PDE11A: variants seen among roughly 807,000 people sequenced by gnomAD.
PDE11A encodes phosphodiesterase 11A.
PDE11A carries 100 observed loss-of-function variants against 100.5 expected under a neutral mutation model. The observed-to-expected ratio is 1.00, with a 90% CI of 0.85 to 1.18. The LOEUF (loss-of-function observed/expected upper bound fraction) is 1.18, where lower values mean the gene tolerates loss of function less well. Among genes scored for constraint, PDE11A ranks in the 50% most tolerant of loss-of-function variants. PDE11A has a pLI of 0.00. For synonymous variants in PDE11A, 381 were observed against 420.8 expected, an observed-to-expected ratio of 0.91 and a Z score of 1.16; for missense variants, 1,141 against 1,152.6, an observed-to-expected ratio of 0.99 and a Z score of 0.15.
chr2:177,749,758 A>G (rs1193648670), intron 10 of PDE11A, among the ~76,000 whole-genome samples: 2 of 152,198 alleles, frequency 1.3e-5, no homozygotes, highest in Non-Finnish European at 2.9e-5. Context: ...CCTAACTTGA[A>G]TAATTTCTAA....
At chr2:177,921,524 G>T (rs970405451) in intron 2 of PDE11A, among the ~76,000 whole-genome samples, 16 of 150,680 alleles carry the variant, frequency 1.1e-4, no homozygotes, top group Non-Finnish European at 1.9e-4. Flanking sequence ...CTGCATTTTT[G>T]AGTATGCTCC....
chr2:178,007,872 A>AT (rs992931995), intron 2 of PDE11A, among the ~76,000 whole-genome samples: 4 of 151,610 alleles, frequency 2.6e-5, no homozygotes, highest in African/African-American at 9.7e-5. Flanking sequence ...AACTGGCTAA[A>AT]TTTTTTTTGT....
intron 1 of PDE11A, among the ~76,000 whole-genome samples, chr2:178,071,142 G>A (rs182683784): frequency 9.8e-5 from 15 of 152,306 alleles, no homozygotes; most frequent in Non-Finnish European, 2.1e-4. Context: ...CTTAACACCG[G>A]AATTCTGGAG....
chr2:177,810,781 A>G (rs984785079), intron 9 of PDE11A, among the ~76,000 whole-genome samples: 2 of 152,180 alleles, frequency 1.3e-5, no homozygotes, highest in Non-Finnish European at 2.9e-5. Context: ...AATCTAAAAT[A>G]TGTTTTAGGA....
intron 5 of PDE11A, among the ~76,000 whole-genome samples, chr2:177,859,552 T>C (rs2083908515): frequency 6.6e-6 from 1 of 151,926 alleles, no homozygotes; most frequent in Admixed American, 6.6e-5. Flanking sequence ...TCACTTTCTA[T>C]AATAGAGCAA....
chr2:178,013,331 T>A (rs1189056338), intron 2 of PDE11A, among the ~76,000 whole-genome samples: 1 of 152,228 alleles, frequency 6.6e-6, no homozygotes, highest in African/African-American at 2.4e-5. Context: ...TGAGGTCCTA[T>A]CATGCTCTAT....
At chr2:177,987,220 T>C (rs1162545364) in intron 2 of PDE11A, among the ~76,000 whole-genome samples, 2 of 152,124 alleles carry the variant, frequency 1.3e-5, no homozygotes, top group African/African-American at 4.8e-5. Context: ...GGCAGAGGAC[T>C]CTCTAACCCT....
At chr2:177,741,766 G>C (rs1399590091) in intron 10 of PDE11A, among the ~76,000 whole-genome samples, 6 of 152,210 alleles carry the variant, frequency 3.9e-5, no homozygotes, top group Admixed American at 6.5e-5. Context: ...GATAAGAACT[G>C]GGTGTGATGG....
At chr2:177,983,461 A>G (rs1009103201) in intron 2 of PDE11A, among the ~76,000 whole-genome samples, 2 of 152,232 alleles carry the variant, frequency 1.3e-5, no homozygotes, top group Non-Finnish European at 2.9e-5. Flanking sequence ...CAGTCCAAGT[A>G]GCTTTGAGAA....
intron 4 of PDE11A, among the ~76,000 whole-genome samples, chr2:177,887,216 T>A (rs997819766): frequency 6.6e-6 from 1 of 152,068 alleles, no homozygotes; most frequent in African/African-American, 2.4e-5. Flanking sequence ...CACTCTCCCA[T>A]CCAAATCAGC....
At chr2:177,994,105 A>G (rs1429767438) in intron 2 of PDE11A, among the ~76,000 whole-genome samples, 2 of 151,818 alleles carry the variant, frequency 1.3e-5, no homozygotes, top group African/African-American at 4.8e-5. Context: ...TAATTTTTGT[A>G]TTTTTAGCAG....
intron 15 of PDE11A, chr2:177,687,640 CT>C (rs1298420987): frequency 6.6e-6 from 1 of 152,138 alleles, no homozygotes; most frequent in African/African-American, 2.4e-5. Flanking sequence ...TATGAACCAC[CT>C]TGTACATGTT....
upstream of PDE11A, among the ~76,000 whole-genome samples, chr2:178,074,575 A>G (rs546660799): frequency 1.3e-5 from 2 of 152,228 alleles, no homozygotes; most frequent in Admixed American, 6.5e-5. Context: ...TAATAAAGAC[A>G]CTTCCTTAAT....
At position 177,727,695 on chromosome 2, in the gene PDE11A, G is replaced by T; in HGVS notation, c.2006C>A (p.Ala669Asp). 1.2e-6 allele frequency: 2 copies of T among 1,609,968 alleles called. No homozygotes were observed. The highest frequency in any genetic ancestry group is 1.1e-5 in the South Asian group (1 of 91,008). The change falls in exon 12 of 20, where the codon GCC becomes GAC. Residue 669 changes from alanine (A) to aspartate (D), a missense_variant. Transcript: ENST00000286063. Reference sequence around the variant, plus strand: ...GAACATCAGCTGACACACGTTGAAGGCATGTCTCCAGTTGTGGTATAGAAC... The same window carrying T: ...GAACATCAGCTGACACACGTTGAAGTCATGTCTCCAGTTGTGGTATAGAAC... ...RMVLYHNWRH[A>D]FNVCQLMFAM...
intron 2 of PDE11A, among the ~76,000 whole-genome samples, chr2:178,083,892 A>T (rs903552372): frequency 1.1e-4 from 16 of 152,198 alleles, no homozygotes; most frequent in African/African-American, 3.9e-4. Context: ...ATGCTTGTAA[A>T]AATTTAAACG....
chr2:177,980,110 C>T (rs1226140740), intron 2 of PDE11A, among the ~76,000 whole-genome samples: 1 of 149,836 alleles, frequency 6.7e-6, no homozygotes, highest in Non-Finnish European at 1.5e-5. Flanking sequence ...AAAAAAGTTT[C>T]AAACCTACTG....
chr2:177,845,025 T>C (rs1170369549), intron 5 of PDE11A, among the ~76,000 whole-genome samples: 2 of 151,912 alleles, frequency 1.3e-5, no homozygotes, highest in African/African-American at 2.4e-5. Flanking sequence ...GCCATTGTCA[T>C]CCTGGCCCGT....
chr2:178,057,950 T>G (rs917253702), intron 1 of PDE11A, among the ~76,000 whole-genome samples: 3 of 152,046 alleles, frequency 2.0e-5, no homozygotes, highest in Non-Finnish European at 4.4e-5. Context: ...CTCCACCCCC[T>G]GGGTTCAAGC....
intron 5 of PDE11A, among the ~76,000 whole-genome samples, chr2:177,863,716 A>G (rs2083982485): frequency 9.9e-6 from 1 of 101,294 alleles, no homozygotes; most frequent in South Asian, 3.1e-4. Flanking sequence ...TTGTGGAGAA[A>G]AGAGAACTCT....
Sources: allele counts gnomAD v4.1 joint callset (sites outside exome capture counted in the v4.1 genomes callset), GRCh38; gene constraint gnomAD v4.1.1; transcripts MANE v1.5; gene names NCBI Gene and HGNC (gene_info 2026-07-23, HGNC 2026-07-21).